Variants in SMG7 observed in about 807,000 individuals in gnomAD.
SMG7 encodes the protein nonsense-mediated mRNA decay factor SMG7.
Under a neutral mutation model 148.2 loss-of-function variants are expected in SMG7, and 34 were observed. The observed-to-expected ratio is 0.23, with a 90% confidence interval of 0.17 to 0.31. SMG7 has a LOEUF of 0.31. Ranked by LOEUF, SMG7 falls within the 10% of genes least tolerant of loss-of-function variation. SMG7 has a pLI of 1.00. For synonymous variants in SMG7, 492 were observed against 515.1 expected, an observed-to-expected ratio of 0.96 and a Z score of 0.61; for missense variants, 1,114 against 1,408.4, an observed-to-expected ratio of 0.79 and a Z score of 3.35.
chr1:183,514,128 A>G (rs1239342628), intron 2 of SMG7, among the ~76,000 whole-genome samples: 1 of 151,638 alleles, frequency 6.6e-6, no homozygotes, highest in Non-Finnish European at 1.5e-5. Context: ...CCGTAACAGC[A>G]TATGCCATCC....
chr1:183,536,595 T>C (rs568278103), intron 10 of SMG7, among the ~76,000 whole-genome samples: 53 of 152,282 alleles, frequency 3.5e-4, no homozygotes, highest in African/African-American at 1.2e-3. Flanking sequence ...ATATTTCATG[T>C]GTAAGCTTTC....
intron 1 of SMG7, among the ~76,000 whole-genome samples, chr1:183,494,598 T>G (rs1189845265): frequency 7.0e-6 from 1 of 143,586 alleles, no homozygotes; most frequent in Non-Finnish European, 1.5e-5. Context: ...CTTATGTTTC[T>G]AAAAAAAAAA....
rs1671451633 is a variant in SMG7 at position 183,553,791 on chromosome 1, T to G, written c.*1860T>G. 6.5e-6 allele frequency: 1 copy of G among 153,032 alleles called. No individual in the cohort carries two copies. The highest frequency in any genetic ancestry group is 1.5e-5 in the Non-Finnish European group (1 of 68,620). The allele number at this position is 153,032 out of a possible 1,614,324, so 9.5% of individuals were successfully genotyped here. A position where few individuals can be genotyped will look rare whatever the true frequency, so the allele number is the denominator to read the frequency against. On this transcript the variant is annotated 3_prime_UTR_variant, in exon 23 of 23. Coordinates refer to ENST00000688051, the MANE Select transcript of SMG7 (RefSeq NM_001375584.1). ...CTCTCCTCTTCCCAAGCCTTTTTCC[T>G]ACTACCTTTACCCAGTTTGTGTGTT...
At position 183,542,168 on chromosome 1, in the gene SMG7, A is replaced by G. The variant is rs757164074; in HGVS notation, c.1508A>G (p.Asn503Ser). The change falls in exon 14 of 23, where the codon AAC (asparagine) becomes AGC (serine). Residue 503 changes from asparagine to serine, a missense_variant. Transcript: ENST00000688051. ...GAAGACCCCAGTGAAGCCAAAGAGA[A>G]CCTCATTCTGCAAGAAACATCTGTG... ...ILEDPSEAKENLILQETSVIE... is the reference protein window; with the variant it reads ...ILEDPSEAKESLILQETSVIE... 2 of 1,614,148 alleles carry G rather than the reference A, an allele frequency of 1.2e-6. No homozygotes were observed. Among genetic ancestry groups the G allele is most frequent in the East Asian group, 4.5e-5 (2 of 44,884 alleles).
At chr1:183,501,483 C>T (rs1659697515) in intron 1 of SMG7, among the ~76,000 whole-genome samples, 1 of 152,142 alleles carries the variant, frequency 6.6e-6, no homozygotes, top group South Asian at 2.1e-4. Context: ...TAAATGTAAG[C>T]AATTATCAAT....
intron 1 of SMG7, among the ~76,000 whole-genome samples, chr1:183,499,433 G>A (rs894028087): frequency 7.2e-5 from 11 of 152,224 alleles, no homozygotes; most frequent in Admixed American, 3.9e-4. Flanking sequence ...TCTGGATTTC[G>A]ACCATTCTAA....
chr1:183,512,733 C>T (rs1662423629), intron 1 of SMG7, 104 bp from the exon 2 acceptor site: 18 of 1,043,230 alleles, frequency 1.7e-5, no homozygotes, highest in Non-Finnish European at 2.5e-5. Flanking sequence ...ATATCCTTAT[C>T]GTAGTATATG....
chr1:183,551,415 CAAAG>C (rs1671032957), intron 22 of SMG7, among the ~76,000 whole-genome samples: 1 of 152,182 alleles, frequency 6.6e-6, no homozygotes, highest in Admixed American at 6.5e-5. Context: ...AGGACAAAAA[CAAAG>C]GTTTTAGTTT....
At chr1:183,474,603 G>A (rs1054697918) in intron 1 of SMG7, among the ~76,000 whole-genome samples, 3 of 152,178 alleles carry the variant, frequency 2.0e-5, no homozygotes, top group Non-Finnish European at 1.5e-5. Flanking sequence ...TAAAAGATAC[G>A]AAGTGTTTTG....
At chr1:183,525,200 C>T (rs571080731) in intron 4 of SMG7, among the ~76,000 whole-genome samples, 86 of 152,238 alleles carry the variant, frequency 5.6e-4, no homozygotes, top group African/African-American at 1.9e-3. Flanking sequence ...ATGAAGGAGA[C>T]TGAAAAGGAG....
chr1:183,482,209 T>G (rs1012129425), intron 1 of SMG7, among the ~76,000 whole-genome samples: 1 of 152,014 alleles, frequency 6.6e-6, no homozygotes, highest in Admixed American at 6.6e-5. Context: ...TATCTCATTC[T>G]GCATTTTTTT....
At chr1:183,483,826 A>G (rs1654760469) in intron 1 of SMG7, among the ~76,000 whole-genome samples, 1 of 152,184 alleles carries the variant, frequency 6.6e-6, no homozygotes, top group South Asian at 2.1e-4. Flanking sequence ...ATTCTGGTTT[A>G]TGAAAGGAAA....
intron 1 of SMG7, among the ~76,000 whole-genome samples, chr1:183,494,308 T>C (rs531337147): frequency 6.6e-6 from 1 of 151,650 alleles, no homozygotes; most frequent in Non-Finnish European, 1.5e-5. Flanking sequence ...GTACTACTAT[T>C]GTCAAACAGC....
At chr1:183,543,863 T>C (rs573797555) in intron 14 of SMG7, among the ~76,000 whole-genome samples, 108 of 152,108 alleles carry the variant, frequency 7.1e-4, no homozygotes, top group African/African-American at 2.5e-3. Context: ...AGTTGCAGGG[T>C]GGAAGGTGGA....
intron 1 of SMG7, among the ~76,000 whole-genome samples, chr1:183,483,902 C>A (rs1654777335): frequency 6.6e-6 from 1 of 152,120 alleles, no homozygotes; most frequent in South Asian, 2.1e-4. Flanking sequence ...TGTTTAAACG[C>A]ATACACAGGT....
At chr1:183,545,643 A>T (rs1019178979) in intron 16 of SMG7, among the ~76,000 whole-genome samples, 3 of 152,222 alleles carry the variant, frequency 2.0e-5, no homozygotes, top group Admixed American at 2.0e-4. Flanking sequence ...GCTAAGACAG[A>T]TGTGACACCA....
chr1:183,502,443 T>A (rs1659946099), intron 1 of SMG7: 1 of 1,422,220 alleles, frequency 7.0e-7, no homozygotes, highest in Admixed American at 2.1e-5. Context: ...CTTTTGGAGA[T>A]GTGTATTATT....
chr1:183,501,967 G>C (rs916412178), intron 1 of SMG7, among the ~76,000 whole-genome samples: 3 of 152,092 alleles, frequency 2.0e-5, no homozygotes, highest in East Asian at 1.9e-4. Context: ...AAAGAGCCCT[G>C]CTTGGTAACC....
At chr1:183,511,453 G>T (rs1211155582) in intron 1 of SMG7, among the ~76,000 whole-genome samples, 1 of 152,166 alleles carries the variant, frequency 6.6e-6, no homozygotes, top group Non-Finnish European at 1.5e-5. Flanking sequence ...GGGGGAAGAG[G>T]TGTTGCTAGC....
Sources: gnomAD v4.1 joint callset for allele counts (sites outside exome capture counted in the v4.1 genomes callset) on GRCh38, gnomAD v4.1.1 for gene constraint, MANE v1.5 for transcripts, NCBI Gene and HGNC (gene_info 2026-07-23, HGNC 2026-07-21) for gene names.